Variants in TMEM163 observed in about 807,000 individuals in gnomAD.
The protein encoded by TMEM163 is transmembrane protein 163.
A neutral mutation model predicts 29.3 loss-of-function variants in TMEM163; 17 were observed. The observed-to-expected ratio is 0.58, with a 90% CI of 0.40 to 0.87. The LOEUF is 0.87. Ranked by LOEUF, TMEM163 falls within the 40% of genes least tolerant of loss-of-function variation. The pLI is 0.00. For synonymous variants in TMEM163, 157 were observed against 160.6 expected (o/e 0.98, Z 0.17); for missense variants, 303 against 381.5 (o/e 0.79, Z 1.71).
intron 6 of TMEM163, among the ~76,000 whole-genome samples, chr2:134,465,073 C>T (rs1011701762): frequency 1.3e-5 from 2 of 151,730 alleles, no homozygotes; most frequent in Non-Finnish European, 2.9e-5. Context: ...ATAATCTACC[C>T]GGGCACGGTG....
intron 2 of TMEM163, among the ~76,000 whole-genome samples, chr2:134,684,390 G>T (rs546890828): frequency 1.3e-5 from 2 of 152,276 alleles, no homozygotes; most frequent in African/African-American, 4.8e-5. Flanking sequence ...CTGTGGGATG[G>T]TAATTATTAA....
chr2:134,655,077 G>A (rs1274993375), intron 2 of TMEM163, among the ~76,000 whole-genome samples: 2 of 124,406 alleles, frequency 1.6e-5, no homozygotes, highest in South Asian at 2.7e-4. Context: ...TGTATTTCCT[G>A]AATCTGAACG....
intron 2 of TMEM163, among the ~76,000 whole-genome samples, chr2:134,594,455 CA>C (rs1309543356): frequency 1.3e-5 from 2 of 149,894 alleles, no homozygotes; most frequent in Non-Finnish European, 1.5e-5. Flanking sequence ...AATCCCATTT[CA>C]AAAAAAAATG....
chr2:134,712,394 T>C (rs946488523), intron 2 of TMEM163, among the ~76,000 whole-genome samples: 1 of 152,038 alleles, frequency 6.6e-6, no homozygotes, highest in Non-Finnish European at 1.5e-5. Context: ...GTGTGATGCC[T>C]ATCACTGAGA....
intron 2 of TMEM163, among the ~76,000 whole-genome samples, chr2:134,683,286 A>G (rs1437273806): frequency 1.3e-5 from 2 of 152,188 alleles, no homozygotes; most frequent in Non-Finnish European, 2.9e-5. Flanking sequence ...CATCAAGTGT[A>G]ACAAATGCAC....
chr2:134,592,890 A>AGATAGATAGATAGATAGATAGATAGACC (rs1471437013), intron 2 of TMEM163, among the ~76,000 whole-genome samples: 1 of 152,104 alleles, frequency 6.6e-6, no homozygotes, highest in African/African-American at 2.4e-5. Context: ...ATAGATAGAT[A>AGATAGATAGATAGATAGATAGATAGACC]GACCAACCCT....
In TMEM163 at chr2:134,602,496, TGA is replaced by T. The variant is rs536156550; in HGVS notation, c.323-50407_323-50406del. ...AGCCCCAGTTAGGAAGTGGTGTGAG[TGA>T]GACACTCTGACTTAACTGTGTGAAG... On this transcript the variant is annotated intron_variant, in intron 2 of 7. Transcript: ENST00000281924. Among the ~76,000 whole-genome samples the T allele has an allele frequency of 4.8e-4, 73 of 152,130 alleles. 2 individuals are homozygous for T. The South Asian group carries it at 0.015, about 31-fold the overall frequency.
chr2:134,602,159 AC>A (rs1682250304), intron 2 of TMEM163, among the ~76,000 whole-genome samples: 2 of 152,190 alleles, frequency 1.3e-5, no homozygotes, highest in South Asian at 4.1e-4. Flanking sequence ...AGAGGTGCAG[AC>A]CCTGTAACTG....
At chr2:134,679,542 G>A (rs142686421) in intron 2 of TMEM163, among the ~76,000 whole-genome samples, 55 of 152,322 alleles carry the variant, frequency 3.6e-4, no homozygotes, top group African/African-American at 1.3e-3. Context: ...AGTGAGCGAC[G>A]CAGTGCTCTG....
intron 2 of TMEM163, among the ~76,000 whole-genome samples, chr2:134,575,915 C>T (rs1372079569): frequency 6.6e-6 from 1 of 152,078 alleles, no homozygotes; most frequent in Non-Finnish European, 1.5e-5. Flanking sequence ...GGGGACCCAA[C>T]CACACAGAGG....
chr2:134,686,328 G>A (rs961844743), intron 2 of TMEM163, among the ~76,000 whole-genome samples: 1 of 152,170 alleles, frequency 6.6e-6, no homozygotes, highest in Non-Finnish European at 1.5e-5. Context: ...TATGGGTTGC[G>A]AAGCCTGCCC....
At chr2:134,648,972 T>A (rs1683402245) in intron 2 of TMEM163, among the ~76,000 whole-genome samples, 1 of 152,238 alleles carries the variant, frequency 6.6e-6, no homozygotes, top group Non-Finnish European at 1.5e-5. Context: ...GAAATCGTTA[T>A]ATATCCATGT....
At chr2:134,565,252 A>C (rs1681274231) in intron 2 of TMEM163, among the ~76,000 whole-genome samples, 1 of 151,902 alleles carries the variant, frequency 6.6e-6, no homozygotes, top group Non-Finnish European at 1.5e-5. Flanking sequence ...AAAAACAAAA[A>C]CAAAAGTGAT....
At chr2:134,524,177 T>C (rs1441375170) in intron 4 of TMEM163, among the ~76,000 whole-genome samples, 22 of 152,162 alleles carry the variant, frequency 1.4e-4, no homozygotes, top group Non-Finnish European at 1.5e-5. Flanking sequence ...GATTTGTAAT[T>C]GCATTAAAAT....
At chr2:134,492,939 G>A (rs540348433) in intron 5 of TMEM163, among the ~76,000 whole-genome samples, 3 of 152,238 alleles carry the variant, frequency 2.0e-5, no homozygotes, top group South Asian at 2.1e-4. Flanking sequence ...TTTCCAAAGC[G>A]GTTGTAACAT....
chr2:134,506,369 T>A (rs964077986), intron 4 of TMEM163, among the ~76,000 whole-genome samples: 1 of 152,168 alleles, frequency 6.6e-6, no homozygotes, highest in Non-Finnish European at 1.5e-5. Context: ...TTATTAATAT[T>A]TATTGTGTTT....
In TMEM163 at chr2:134,655,832, TG is replaced by T. The variant is rs1323334082; in HGVS notation, c.322+57367del. Reference sequence around the variant, plus strand: ...GTGTGAGGTGTCAGTCTGCCCCTGCTGGGGGGTGCCTCCCAGTTAGGCTGCT... The same window carrying T: ...GTGTGAGGTGTCAGTCTGCCCCTGCTGGGGGTGCCTCCCAGTTAGGCTGCT... On this transcript the variant is annotated intron_variant, in intron 2 of 7. Coordinates refer to ENST00000281924, the MANE Select transcript of TMEM163 (RefSeq NM_030923.5). Among the ~76,000 whole-genome samples the T allele has an allele frequency of 1.7e-4, 24 of 141,410 alleles. 4 individuals carry two copies. Among genetic ancestry groups the T allele is most frequent in the African/African-American group, 7.1e-4 (24 of 33,914 alleles). 92.8% of individuals were successfully genotyped at this position (141,410 alleles called of 152,430 possible). A position where few individuals can be genotyped will look rare whatever the true frequency, so the allele number is the denominator to read the frequency against.
intron 2 of TMEM163, among the ~76,000 whole-genome samples, chr2:134,700,188 CTGAT>C (rs1204869109): frequency 1.3e-5 from 2 of 152,150 alleles, no homozygotes; most frequent in Non-Finnish European, 2.9e-5. Context: ...CTGCTGTCTA[CTGAT>C]TAAGGGAAGT....
At chr2:134,472,688 G>C (rs1253271922) in intron 5 of TMEM163, among the ~76,000 whole-genome samples, 1 of 152,196 alleles carries the variant, frequency 6.6e-6, no homozygotes, top group Non-Finnish European at 1.5e-5. Context: ...ATAACTGATA[G>C]AACAAACTAA....
Sources: gnomAD v4.1 joint callset for allele counts (sites outside exome capture counted in the v4.1 genomes callset) on GRCh38, gnomAD v4.1.1 for gene constraint, MANE v1.5 for transcripts, NCBI Gene and HGNC (gene_info 2026-07-23, HGNC 2026-07-21) for gene names.